Variants in SUGCT observed in about 807,000 individuals in gnomAD.
SUGCT encodes the protein succinyl-CoA:glutarate CoA-transferase.
SUGCT carries 41 observed loss-of-function variants against 55.0 expected under a neutral mutation model. That is an observed-to-expected ratio of 0.74 (90% CI 0.58 to 0.97). SUGCT has a LOEUF of 0.97. Ranked by LOEUF, SUGCT falls within the 50% of genes least tolerant of loss-of-function variation. SUGCT has a pLI of 0.00. For synonymous variants in SUGCT, 187 were observed against 200.4 expected (o/e 0.93, Z 0.56); for missense variants, 568 against 547.8 (o/e 1.04, Z -0.37).
the SUGCT span, among the ~76,000 whole-genome samples, chr7:40,941,074 A>G: frequency 6.6e-6 from 1 of 151,762 alleles, no homozygotes; most frequent in Non-Finnish European, 1.5e-5. Flanking sequence ...GAGGGTTTTT[A>G]TCTTAAAGGG....
chr7:40,449,250 T>A, intron 9 of SUGCT, 37 bp from the exon 10 acceptor site: 1 of 1,422,528 alleles, frequency 7.0e-7, no homozygotes, highest in Non-Finnish European at 9.8e-7. Flanking sequence ...CTTGTCAACA[T>A]ATAAATAATA....
At chr7:41,000,766 TC>T in the SUGCT span, among the ~76,000 whole-genome samples, 1 of 152,118 alleles carries the variant, frequency 6.6e-6, no homozygotes, top group Non-Finnish European at 1.5e-5. Flanking sequence ...AGGAGATATT[TC>T]ATGGACCGGA....
At chr7:40,708,791 C>G (rs1021346229) in intron 12 of SUGCT, among the ~76,000 whole-genome samples, 1 of 152,142 alleles carries the variant, frequency 6.6e-6, no homozygotes, top group Non-Finnish European at 1.5e-5. Context: ...CAACCCCCAC[C>G]CCCAGTTATC....
rs371715595 is a variant in SUGCT, at chr7:40,392,073, G to C, written c.817-57214G>C. Among the ~76,000 whole-genome samples the C allele has an allele frequency of 2.0e-3, 305 of 152,244 alleles. 12 individuals are homozygous for C. In the South Asian group the frequency reaches 0.059, roughly 29 times the overall value. ...ACTGCATGTTATCACTCATAGGTGG[G>C]AATTGAACAATGAGAATACTTGGAC... On this transcript the variant is annotated intron_variant, in intron 9 of 13. Coordinates refer to ENST00000335693, the MANE Select transcript of SUGCT (RefSeq NM_001193313.2).
the SUGCT span, among the ~76,000 whole-genome samples, chr7:40,922,384 G>C: frequency 6.6e-6 from 1 of 152,074 alleles, no homozygotes; most frequent in African/African-American, 2.4e-5. Context: ...TTAAGACCTG[G>C]GTGCTTCTGA....
Position 40,256,441 on chromosome 7 carries a change from A to G in SUGCT, c.577-18072A>G, listed in dbSNP as rs140776544. On this transcript the variant is annotated intron_variant, in intron 7 of 13. Transcript: ENST00000335693. ...ATTTATAGGTATCTTTTGGTTACCT[A>G]TAAATAGTGCTGTTGCTGGTCGAAG... Among the ~76,000 whole-genome samples, 344 of 152,312 alleles carry G rather than the reference A, an allele frequency of 2.3e-3. 1 individual carries two copies. The highest frequency in any genetic ancestry group is 0.01 in the Middle Eastern group (3 of 294).
At chr7:40,720,924 G>A (rs1416069691) in intron 12 of SUGCT, among the ~76,000 whole-genome samples, 3 of 152,172 alleles carry the variant, frequency 2.0e-5, no homozygotes, top group Admixed American at 2.0e-4. Context: ...ACCTGGATTT[G>A]TAAGAGTCAG....
chr7:40,167,816 C>T lies in SUGCT; in HGVS notation c.101-13131C>T, dbSNP rs1163657951. Among the ~76,000 whole-genome samples, 4 of 152,062 alleles carry T rather than the reference C, an allele frequency of 2.6e-5. 1 individual carries two copies. Among genetic ancestry groups the T allele is most frequent in the Non-Finnish European group, 1.5e-5 (1 of 67,996 alleles). On this transcript the variant is annotated intron_variant, in intron 1 of 13. Coordinates refer to ENST00000335693, the MANE Select transcript of SUGCT (RefSeq NM_001193313.2). ...GGGGTGGAAGTCAGCGGCGGGTCTG[C>T]GACAGCAGCAAACAGCAGTGGTGGA... is the stretch of plus-strand genomic sequence containing the variant.
chr7:40,947,508 T>G, the SUGCT span, among the ~76,000 whole-genome samples: 654 of 151,244 alleles, frequency 4.3e-3, 4 homozygotes, highest in Middle Eastern at 0.014. Context: ...CTCTTTTTTT[T>G]TTTGTTTGTT....
chr7:40,378,473 C>T (rs1784713356), intron 9 of SUGCT, among the ~76,000 whole-genome samples: 1 of 152,126 alleles, frequency 6.6e-6, no homozygotes. Flanking sequence ...GCACCTTTCT[C>T]ATACCTTTTT....
At chr7:40,228,448 AT>A (rs904466273) in intron 6 of SUGCT, among the ~76,000 whole-genome samples, 39 of 150,484 alleles carry the variant, frequency 2.6e-4, no homozygotes, top group African/African-American at 9.5e-4. Flanking sequence ...TGTGATGTTA[AT>A]TTTTTTTTGT....
At chr7:40,868,643 C>T in the SUGCT span, among the ~76,000 whole-genome samples, 3 of 152,180 alleles carry the variant, frequency 2.0e-5, no homozygotes, top group African/African-American at 7.2e-5. Flanking sequence ...AACTCCTGGG[C>T]TCAAGCGATC....
chr7:40,514,137 T>C (rs1326861499), intron 12 of SUGCT, among the ~76,000 whole-genome samples: 2 of 151,908 alleles, frequency 1.3e-5, no homozygotes, highest in Admixed American at 6.6e-5. Context: ...CAATTAAATA[T>C]GGACTGTTTT....
chr7:40,206,684 A>G (rs1786994750), intron 6 of SUGCT, among the ~76,000 whole-genome samples: 1 of 152,216 alleles, frequency 6.6e-6, no homozygotes, highest in African/African-American at 2.4e-5. Flanking sequence ...ATCCTCCTGT[A>G]TTCTTTAAAT....
At chr7:40,802,785 A>G (rs1178205570) in intron 13 of SUGCT, among the ~76,000 whole-genome samples, 2 of 152,320 alleles carry the variant, frequency 1.3e-5, no homozygotes, top group Non-Finnish European at 2.9e-5. Flanking sequence ...TGAAAAGTCA[A>G]TTACTTGCAT....
At chr7:40,962,071 T>C in the SUGCT span, among the ~76,000 whole-genome samples, 2 of 152,180 alleles carry the variant, frequency 1.3e-5, no homozygotes, top group African/African-American at 2.4e-5. Flanking sequence ...TACATCCTGC[T>C]GATTGGTCCA....
intron 9 of SUGCT, among the ~76,000 whole-genome samples, chr7:40,437,712 G>A (rs1788253926): frequency 6.6e-6 from 1 of 152,160 alleles, no homozygotes; most frequent in Admixed American, 6.5e-5. Flanking sequence ...TACTAGCACA[G>A]ACCCAGAAGT....
the SUGCT span, among the ~76,000 whole-genome samples, chr7:40,880,346 GGCACAACATA>G: frequency 6.6e-6 from 1 of 152,126 alleles, no homozygotes; most frequent in African/African-American, 2.4e-5. Context: ...ATGCTCTGAA[GGCACAACATA>G]GCTGACTAAC....
At chr7:40,803,588 G>A (rs781070963) in intron 13 of SUGCT, among the ~76,000 whole-genome samples, 13 of 151,948 alleles carry the variant, frequency 8.6e-5, no homozygotes, top group Non-Finnish European at 1.5e-4. Context: ...CCATCCTCAT[G>A]AAGGAAACAA....
Sources: allele counts gnomAD v4.1 joint callset (sites outside exome capture counted in the v4.1 genomes callset), GRCh38; gene constraint gnomAD v4.1.1; transcripts MANE v1.5; gene names NCBI Gene and HGNC (gene_info 2026-07-23, HGNC 2026-07-21).